Variants in CLUAP1 observed in about 807,000 individuals in gnomAD.
CLUAP1 encodes the protein clusterin-associated protein 1.
Under a neutral mutation model 55.0 loss-of-function variants are expected in CLUAP1, and 50 were observed. The observed-to-expected ratio is 0.91, with a 90% CI of 0.72 to 1.15. The LOEUF (loss-of-function observed/expected upper bound fraction) is 1.15. Ranked by LOEUF, CLUAP1 falls within the 50% of genes most tolerant of loss-of-function variation. The probability of loss-of-function intolerance (pLI) is 0.00; values close to 1 mark genes in which losing one functional copy is unlikely to be tolerated. For synonymous variants in CLUAP1, 195 were observed against 175.4 expected (o/e 1.11, Z -0.88); for missense variants, 530 against 507.6 (o/e 1.04, Z -0.42).
chr16:3,509,929 A>C (rs1325781097), intron 4 of CLUAP1: 1 of 150,350 alleles, frequency 6.7e-6, no homozygotes, highest in Non-Finnish European at 1.5e-5. Context: ...CAGGTTCAAG[A>C]GATTCTTCTG....
At chr16:3,533,249 C>A (rs1485553439) in intron 11 of CLUAP1, 11 of 992,546 alleles carry the variant, frequency 1.1e-5, no homozygotes, top group African/African-American at 3.2e-5. Context: ...TGCTTCCTCT[C>A]TCCTGGGCAA....
Position 3,536,986 on chromosome 16 carries a change from G to A in CLUAP1, c.*715G>A, listed in dbSNP as rs565254079. 2.0e-5 allele frequency: 3 copies of A among 152,290 alleles called. No homozygotes were observed. The highest frequency in any genetic ancestry group is 4.1e-4 in the South Asian group (2 of 4,828). 9.4% of individuals were successfully genotyped at this position (152,290 alleles called of 1,614,324 possible). A position where few individuals can be genotyped will look rare whatever the true frequency, so the allele number is the denominator to read the frequency against. ...CACCTTGGATTACAGCCACCTTCAT[G>A]TTTCCACGGTTGGTACTAAATCTGG... On this transcript the variant is annotated 3_prime_UTR_variant, in exon 12 of 12. Coordinates refer to ENST00000576634, the MANE Select transcript of CLUAP1 (RefSeq NM_015041.3).
chr16:3,534,668 T>G (rs1030797679), intron 11 of CLUAP1: 2 of 152,146 alleles, frequency 1.3e-5, no homozygotes, highest in African/African-American at 2.4e-5. Context: ...TCAGGTTTTG[T>G]GAATTGATTG....
intron 4 of CLUAP1, among the ~76,000 whole-genome samples, chr16:3,511,065 A>G (rs900071098): frequency 1.3e-5 from 2 of 152,224 alleles, no homozygotes; most frequent in African/African-American, 4.8e-5. Flanking sequence ...AGAAGGTGAC[A>G]GACTCCTGCA....
intron 7 of CLUAP1, among the ~76,000 whole-genome samples, chr16:3,522,001 G>T (rs1378680111): frequency 6.6e-6 from 1 of 152,058 alleles, no homozygotes; most frequent in Admixed American, 6.5e-5. Flanking sequence ...CGATGCTGCA[G>T]TAAGCCATGA....
At chr16:3,523,860 G>T (rs980564629) in intron 8 of CLUAP1, among the ~76,000 whole-genome samples, 1 of 152,120 alleles carries the variant, frequency 6.6e-6, no homozygotes, top group African/African-American at 2.4e-5. Flanking sequence ...CAGCTACTCG[G>T]CAGGCTGAGA....
chr16:3,529,460 ATAATAT>A (rs2038017542), intron 9 of CLUAP1, among the ~76,000 whole-genome samples: 1 of 80,434 alleles, frequency 1.2e-5, no homozygotes, highest in Non-Finnish European at 2.2e-5. Flanking sequence ...ATTATTATAT[ATAATAT>A]ATATTATATT....
rs1459660427 is a variant in CLUAP1 at position 3,529,640 on chromosome 16, ATATTATATATTATTATATATTATATAT to A, written c.929-914_929-888del. ...AATATTATATATTATATATTATTATATATTATATATTATTATATATTATATATTATTATATATTATATATTATTATAT... is the reference window on the plus strand; with the variant it reads ...AATATTATATATTATATATTATTATATATTATATATTATATATTATTATAT... On this transcript the variant is annotated intron_variant, in intron 9 of 11. Coordinates refer to ENST00000576634, the MANE Select transcript of CLUAP1 (RefSeq NM_015041.3). Among the ~76,000 whole-genome samples, 15 of 26,518 alleles carry A rather than the reference ATATTATATATTATTATATATTATATAT, an allele frequency of 5.7e-4. 1 individual carries two copies. The highest frequency in any genetic ancestry group is 2.2e-3 in the Admixed American group (3 of 1,368). The allele number at this position is 26,518 out of a possible 152,430, so 17.4% of individuals were successfully genotyped here.
At position 3,525,375 on chromosome 16, in the gene CLUAP1, C is replaced by G. The variant is rs116044369; in HGVS notation, c.856-1037C>G. On this transcript the variant is annotated intron_variant, in intron 8 of 11. Coordinates refer to ENST00000576634, the MANE Select transcript of CLUAP1 (RefSeq NM_015041.3). ...AAACTTCCCAGGGAGCCCCTCTACC[C>G]TACCCTTCCTTCAACAAGTACATCT... Among the ~76,000 whole-genome samples the G allele has an allele frequency of 9.0e-3, 1,368 of 152,198 alleles. 22 individuals carry two copies. Among genetic ancestry groups the G allele is most frequent in the African/African-American group, 0.031 (1,306 of 41,514 alleles).
upstream of CLUAP1, among the ~76,000 whole-genome samples, chr16:3,498,099 G>A (rs995730560): frequency 2.0e-5 from 3 of 152,090 alleles, no homozygotes; most frequent in Non-Finnish European, 2.9e-5. Context: ...CTGGGTAGGG[G>A]TGGGGGTGAG....
intron 6 of CLUAP1, among the ~76,000 whole-genome samples, chr16:3,517,332 A>T (rs1332657242): frequency 6.6e-6 from 1 of 152,034 alleles, no homozygotes; most frequent in Non-Finnish European, 1.5e-5. Flanking sequence ...TTTTAGACGA[A>T]GTCTTGCTAT....
rs535849380 is a variant in CLUAP1 at position 3,525,954 on chromosome 16, T to A, written c.856-458T>A. 4.6e-5 allele frequency among the ~76,000 whole-genome samples: 7 copies of A among 152,308 alleles called. No homozygotes were observed. In the South Asian group the frequency reaches 1.2e-3, roughly 27 times the overall value. ...CCCCACCCCTGTTCCCATCCTTACC[T>A]GTCCCACCATTTAGCATCTTTTGAG... is the stretch of plus-strand genomic sequence containing the variant. On this transcript the variant is annotated intron_variant, in intron 8 of 11. Transcript: ENST00000576634.
chr16:3,532,403 CTTTTTTTTTTTT>C (rs58037008), intron 10 of CLUAP1, among the ~76,000 whole-genome samples: 1 of 50,768 alleles, frequency 2.0e-5, no homozygotes, highest in East Asian at 6.8e-4. Context: ...AGCACAGTTG[CTTTTTTTTTTTT>C]TTTTTTTTTT....
At chr16:3,513,637 A>T (rs1049559986) in intron 5 of CLUAP1, among the ~76,000 whole-genome samples, 1 of 151,956 alleles carries the variant, frequency 6.6e-6, no homozygotes. Context: ...TTTAGTAGAG[A>T]TGGGGTTTCA....
At position 3,523,269 on chromosome 16, in the gene CLUAP1, C is replaced by T; in HGVS notation, c.825C>T (p.Asp275=). The T allele has an allele frequency of 6.2e-7, 1 of 1,613,492 alleles. No homozygotes were observed. Residue 275 remains aspartate (D), a synonymous_variant, in exon 8 of 12, where the codon GAC becomes GAT. Transcript: ENST00000576634. ...NLTYLEQQLE[D]HHRMEQERFE... is the part of the protein sequence containing the mutation. The stretch of plus-strand genomic sequence containing the variant: ...CTTATCTGGAACAACAGCTTGAAGA[C>T]CATCATAGGATGGAGCAAGAAAGGT...
In CLUAP1 at chr16:3,521,169, GA is replaced by G. The variant is rs570251084; in HGVS notation, c.713+1146del. Among the ~76,000 whole-genome samples the G allele has an allele frequency of 2.7e-3, 368 of 134,176 alleles. 1 individual carries two copies. Among genetic ancestry groups the G allele is most frequent in the African/African-American group, 8.5e-3 (313 of 36,638 alleles). The allele number at this position is 134,176 out of a possible 152,430, so 88.0% of individuals were successfully genotyped here. A position where few individuals can be genotyped will look rare whatever the true frequency, so the allele number is the denominator to read the frequency against. The stretch of plus-strand genomic sequence containing the variant: ...CTTTACCTCTGGAGCCTCAGAGAGG[GA>G]AAAAAAAAAAAACAGAAGTCATTGC... On this transcript the variant is annotated intron_variant, in intron 7 of 11. Transcript: ENST00000576634.
chr16:3,538,298 TTATG>T lies in CLUAP1; in HGVS notation c.*2031_*2034del, dbSNP rs1329786216. The T allele has an allele frequency of 2.0e-5, 3 of 151,578 alleles. No homozygotes were observed. Among genetic ancestry groups the T allele is most frequent in the Admixed American group, 6.6e-5 (1 of 15,168 alleles). 9.4% of individuals were successfully genotyped at this position (151,578 alleles called of 1,614,324 possible). A position where few individuals can be genotyped will look rare whatever the true frequency, so the allele number is the denominator to read the frequency against. On this transcript the variant is annotated 3_prime_UTR_variant, in exon 12 of 12. Coordinates refer to ENST00000576634, the MANE Select transcript of CLUAP1 (RefSeq NM_015041.3). ...TTTTTTCTCTTTCTTTTCCTAAATTTTATGTATAAGATTACCCCTAAAAAAAAAA... is the reference window on the plus strand; with the variant it reads ...TTTTTTCTCTTTCTTTTCCTAAATTTTATAAGATTACCCCTAAAAAAAAAA...
At chr16:3,495,907 G>A in the CLUAP1 span, among the ~76,000 whole-genome samples, 5 of 152,302 alleles carry the variant, frequency 3.3e-5, no homozygotes, top group African/African-American at 4.8e-5. Context: ...GTGGGAGGCC[G>A]GGGTGGGCGG....
At chr16:3,519,829 T>A (rs2037798793) in intron 6 of CLUAP1, 74 bp from the exon 7 acceptor site, 14 of 1,476,624 alleles carry the variant, frequency 9.5e-6, no homozygotes, top group Non-Finnish European at 1.3e-5. Context: ...GCCTGAAGAG[T>A]TGCAAAATTC....
Sources: gnomAD v4.1 joint callset for allele counts (sites outside exome capture counted in the v4.1 genomes callset) on GRCh38, gnomAD v4.1.1 for gene constraint, MANE v1.5 for transcripts, NCBI Gene and HGNC (gene_info 2026-07-23, HGNC 2026-07-21) for gene names.